TAB2: variants seen among roughly 807,000 people sequenced by gnomAD.
TAB2 encodes TGF-beta activated kinase 1 (MAP3K7) binding protein 2, also known as TGF-beta-activated kinase 1 and MAP3K7-binding protein 2.
A neutral mutation model predicts 65.0 loss-of-function variants in TAB2; 3 were observed. The observed-to-expected ratio is 0.05, with a 90% CI of 0.02 to 0.12. The LOEUF (loss-of-function observed/expected upper bound fraction) is 0.12, where lower values mean the gene tolerates loss of function less well. Ranked by LOEUF, TAB2 falls within the 10% of genes least tolerant of loss-of-function variation. TAB2 has a pLI of 1.00. For missense variants in TAB2, 623 were observed against 840.3 expected (o/e 0.74, Z 3.20); for synonymous variants, 298 against 285.1 (o/e 1.05, Z -0.46).
chr6:149,379,189 A>G lies in TAB2; in HGVS notation c.1274A>G (p.Gln425Arg). 3 of 1,614,262 alleles carry G rather than the reference A, an allele frequency of 1.9e-6. No homozygotes were observed. Among genetic ancestry groups the G allele is most frequent in the Non-Finnish European group, 2.5e-6 (3 of 1,180,048 alleles). ...ASAASRNMSG[Q>R]VSMGPAFIHH... Reference sequence around the variant, plus strand: ...GCTGCCTCCAGGAACATGTCTGGGCAAGTGAGCATGGGTCCTGCCTTTATT... The same window carrying G: ...GCTGCCTCCAGGAACATGTCTGGGCGAGTGAGCATGGGTCCTGCCTTTATT... The change falls in exon 3 of 7, where the codon CAA becomes CGA. Residue 425 changes from glutamine to arginine, a missense_variant. This residue lies in a region of TAB2 where 550 missense variants were observed against 665.7 expected (regional missense o/e 0.83). Coordinates refer to ENST00000637181, the MANE Select transcript of TAB2 (RefSeq NM_001292034.3).
chr6:149,381,011 G>T (rs1012446781), intron 3 of TAB2, among the ~76,000 whole-genome samples: 1 of 152,204 alleles, frequency 6.6e-6, no homozygotes, highest in Admixed American at 6.5e-5. Flanking sequence ...AGAAGCTAAA[G>T]TGGGAGGACT....
intron 1 of TAB2, among the ~76,000 whole-genome samples, chr6:149,234,087 C>T (rs1471506845): frequency 6.6e-6 from 1 of 152,076 alleles, no homozygotes; most frequent in Non-Finnish European, 1.5e-5. Flanking sequence ...TATTTTCAAC[C>T]AAGTCTTTAA....
intron 1 of TAB2, among the ~76,000 whole-genome samples, chr6:149,294,691 G>A (rs1778843798): frequency 6.6e-6 from 1 of 152,094 alleles, no homozygotes; most frequent in South Asian, 2.1e-4. Context: ...TGTAAATTAT[G>A]TTCCCAAACA....
intron 3 of TAB2, among the ~76,000 whole-genome samples, chr6:149,392,236 G>C (rs1382190523): frequency 4.6e-5 from 7 of 151,970 alleles, no homozygotes; most frequent in Non-Finnish European, 8.8e-5. Context: ...CACCTCCCAG[G>C]TTCAAACAGT....
At chr6:149,265,006 G>A (rs1170123189) in intron 1 of TAB2, among the ~76,000 whole-genome samples, 1 of 152,008 alleles carries the variant, frequency 6.6e-6, no homozygotes, top group African/African-American at 2.4e-5. Flanking sequence ...TGCACCTTTG[G>A]AAACTGCAGT....
At chr6:149,388,015 T>A (rs866961843) in intron 3 of TAB2, among the ~76,000 whole-genome samples, 1 of 152,118 alleles carries the variant, frequency 6.6e-6, no homozygotes, top group African/African-American at 2.4e-5. Context: ...TGGCAGACTG[T>A]GAGATTACTA....
chr6:149,377,030 G>C (rs56228547), intron 2 of TAB2, among the ~76,000 whole-genome samples: 2 of 150,460 alleles, frequency 1.3e-5, no homozygotes, highest in Admixed American at 6.6e-5. Context: ...TGAGATGACT[G>C]GTATGAATTT....
chr6:149,379,270 G>A lies in TAB2; in HGVS notation c.1355G>A (p.Arg452Gln). The change falls in exon 3 of 7, where the codon CGA (arginine) becomes CAA (glutamine). Residue 452 changes from arginine (R) to glutamine (Q), a missense_variant. Arg to Gln is a conservative substitution (Grantham distance 43, BLOSUM62 1). Around this residue, in one of 3 missense-constraint regions of TAB2, gnomAD observed 550 missense variants for 665.7 expected, o/e 0.83. Coordinates refer to ENST00000637181, the MANE Select transcript of TAB2 (RefSeq NM_001292034.3). ...GGCAATAACTCTGCAACCTCTCCTC[G>A]AGTGGTAGTCACTCAGCCCAATACG... ...AIGNNSATSPRVVVTQPNTKY... is the reference protein window; with the variant it reads ...AIGNNSATSPQVVVTQPNTKY... The A allele has an allele frequency of 1.9e-6, 3 of 1,614,110 alleles. No homozygotes were observed. The highest frequency in any genetic ancestry group is 1.3e-5 in the African/African-American group (1 of 75,016).
intron 1 of TAB2, among the ~76,000 whole-genome samples, chr6:149,349,291 G>A (rs534922265): frequency 4.6e-5 from 7 of 151,486 alleles, no homozygotes; most frequent in African/African-American, 1.2e-4. Flanking sequence ...ACGGTGGCAC[G>A]CGCCTGTAAT....
At chr6:149,231,267 T>C (rs894038796) in intron 1 of TAB2, among the ~76,000 whole-genome samples, 1 of 152,256 alleles carries the variant, frequency 6.6e-6, no homozygotes, top group Non-Finnish European at 1.5e-5. Context: ...TGATGATTAA[T>C]AACTACCGCA....
At chr6:149,266,903 C>G (rs761890956) in intron 1 of TAB2, among the ~76,000 whole-genome samples, 3 of 152,148 alleles carry the variant, frequency 2.0e-5, no homozygotes, top group Non-Finnish European at 2.9e-5. Flanking sequence ...ACCGAAAATG[C>G]AAAAGGGGAA....
intron 1 of TAB2, among the ~76,000 whole-genome samples, chr6:149,222,957 A>G (rs906449639): frequency 6.6e-6 from 1 of 152,248 alleles, no homozygotes; most frequent in Admixed American, 6.5e-5. Context: ...AAAAGAGAGT[A>G]TTATAAATCC....
At chr6:149,324,534 T>A (rs2114735684) in intron 1 of TAB2, among the ~76,000 whole-genome samples, 1 of 152,322 alleles carries the variant, frequency 6.6e-6, no homozygotes, top group East Asian at 1.9e-4. Context: ...ACAAGTTTGC[T>A]TCCTGTCAGT....
At chr6:149,407,937 G>A (rs149213601) in intron 6 of TAB2, among the ~76,000 whole-genome samples, 12 of 152,202 alleles carry the variant, frequency 7.9e-5, no homozygotes, top group East Asian at 5.8e-4. Flanking sequence ...ACATTGAAGT[G>A]TAAAAAGGGA....
At chr6:149,231,951 G>A (rs916803652) in intron 1 of TAB2, among the ~76,000 whole-genome samples, 3 of 152,278 alleles carry the variant, frequency 2.0e-5, no homozygotes, top group Non-Finnish European at 2.9e-5. Context: ...CCAGAGCAAC[G>A]GGTTACTGGC....
chr6:149,332,358 A>G (rs892642083), intron 1 of TAB2, among the ~76,000 whole-genome samples: 2 of 152,192 alleles, frequency 1.3e-5, no homozygotes, highest in African/African-American at 4.8e-5. Flanking sequence ...ACTGCTTTCT[A>G]GTTACTGTAA....
intron 3 of TAB2, among the ~76,000 whole-genome samples, chr6:149,384,523 A>G (rs1320120885): frequency 6.6e-6 from 1 of 152,194 alleles, no homozygotes; most frequent in Non-Finnish European, 1.5e-5. Context: ...GGAAAGAACA[A>G]ATTAAGGTTG....
intron 1 of TAB2, among the ~76,000 whole-genome samples, chr6:149,366,933 C>T (rs1285339057): frequency 6.7e-6 from 1 of 148,684 alleles, no homozygotes; most frequent in African/African-American, 2.5e-5. Flanking sequence ...GACTATTTGC[C>T]TCTCCCTCAA....
intron 1 of TAB2, among the ~76,000 whole-genome samples, chr6:149,225,827 A>G (rs759485175): frequency 1.3e-5 from 2 of 152,050 alleles, no homozygotes; most frequent in Non-Finnish European, 2.9e-5. Context: ...TTGGGAAATA[A>G]CAGACTAAAA....
Sources: gnomAD v4.1 joint callset for allele counts (sites outside exome capture counted in the v4.1 genomes callset) on GRCh38, gnomAD v4.1.1 for gene constraint, gnomAD v4.1.1 regional missense constraint, MANE v1.5 for transcripts, NCBI Gene and HGNC (gene_info 2026-07-23, HGNC 2026-07-21) for gene names.